Variants in EFNB2 observed in about 807,000 individuals in gnomAD.
EFNB2 encodes ephrin-B2.
In EFNB2, 5 loss-of-function variants were observed where a neutral mutation model predicts 32.1. The observed-to-expected ratio is 0.16, with a 90% CI of 0.08 to 0.33. The LOEUF is 0.33. Ranked by LOEUF, EFNB2 falls within the 10% of genes least tolerant of loss-of-function variation. The probability of loss-of-function intolerance (pLI) is 1.00; values close to 1 mark genes in which losing one functional copy is unlikely to be tolerated. For missense variants in EFNB2, 263 were observed against 422.6 expected (o/e 0.62, Z 3.31); for synonymous variants, 168 against 166.5 (o/e 1.01, Z -0.07).
intron 2 of EFNB2, chr13:106,506,576 G>A (rs1878958584): frequency 6.6e-6 from 1 of 152,154 alleles, no homozygotes; most frequent in Non-Finnish European, 1.5e-5. Context: ...ATTAAGTTAT[G>A]CAGCATTACT....
rs1486448222 is a variant in EFNB2 at position 106,535,650 on chromosome 13, G to T, written c.-686C>A. 7 of 150,722 alleles carry T rather than the reference G, an allele frequency of 4.6e-5. No individual in the cohort carries two copies. Among genetic ancestry groups the T allele is most frequent in the Admixed American group, 4.6e-4 (7 of 15,156 alleles). 9.3% of individuals were successfully genotyped at this position (150,722 alleles called of 1,614,324 possible). A position where few individuals can be genotyped will look rare whatever the true frequency, so the allele number is the denominator to read the frequency against. ...TCCGGCCGGCGCCGCGGTCCCCGCC[G>T]AGGAGAGTCAGCGCGGCCGCCGCGC... is the stretch of plus-strand genomic sequence containing the variant. On this transcript the variant is annotated 5_prime_UTR_variant, in exon 1 of 5. Coordinates refer to ENST00000646441, the MANE Select transcript of EFNB2 (RefSeq NM_004093.4).
In EFNB2 at chr13:106,504,581, G is replaced by A. The variant is rs75356730; in HGVS notation, c.406+7948C>T. 8.9e-3 allele frequency among the ~76,000 whole-genome samples: 1,361 copies of A among 152,240 alleles called. 16 individuals are homozygous for A. Among genetic ancestry groups the A allele is most frequent in the African/African-American group, 0.029 (1,219 of 41,530 alleles). On this transcript the variant is annotated intron_variant, in intron 2 of 4. Coordinates refer to ENST00000646441, the MANE Select transcript of EFNB2 (RefSeq NM_004093.4). ...CTCTAAGAATCCAGAGCAATTTCCC[G>A]CGTTTGTGCCAATAAAAGAATACCT...
In EFNB2 at chr13:106,493,183, T is replaced by C. The variant is rs757543125; in HGVS notation, c.859A>G (p.Ser287Gly). ...GTCCTTAGCGGGATGATAATGTCACTGGGCTCTGAGCCGTTGTTGTTGCCG... is the reference window on the plus strand; with the variant it reads ...GTCCTTAGCGGGATGATAATGTCACCGGGCTCTGAGCCGTTGTTGTTGCCG... ...RSGNNNGSEPSDIIIPLRTAD... is the reference protein window; with the variant it reads ...RSGNNNGSEPGDIIIPLRTAD... The change falls in exon 5 of 5, where the codon AGT becomes GGT. Residue 287 changes from serine to glycine, a missense_variant. Around this residue, in one of 3 missense-constraint regions of EFNB2, gnomAD observed 172 missense variants for 237.1 expected, o/e 0.73. Coordinates refer to ENST00000646441, the MANE Select transcript of EFNB2 (RefSeq NM_004093.4). The surrounding 1 kb of genome is among the most constrained non-coding windows in gnomAD (Gnocchi z 6.1). The C allele has an allele frequency of 6.2e-7, 1 of 1,614,202 alleles. No individual in the cohort carries two copies. Among genetic ancestry groups the C allele is most frequent in the South Asian group, 1.1e-5 (1 of 91,086 alleles).
At chr13:106,528,815 C>A (rs1055710146) in intron 1 of EFNB2, among the ~76,000 whole-genome samples, 1 of 152,124 alleles carries the variant, frequency 6.6e-6, no homozygotes, top group African/African-American at 2.4e-5. Context: ...GGAGAGAGGG[C>A]GGGAAGACTC....
At chr13:106,525,455 T>C (rs557704013) in intron 1 of EFNB2, among the ~76,000 whole-genome samples, 2 of 152,356 alleles carry the variant, frequency 1.3e-5, no homozygotes, top group Admixed American at 6.5e-5. Context: ...TAGCTGTTCC[T>C]GTGAGGGATC....
chr13:106,534,901 T>C lies in EFNB2; in HGVS notation c.64A>G (p.Thr22Ala), dbSNP rs1489487155. ...CWGVLMVLCR[T>A]AISKSIVLEP... ...AAAACTATCGATTTGGAAATCGCAG[T>C]TCTGCATAAAACCATCAAAACACCC... Residue 22 changes from threonine to alanine, a missense_variant, in exon 1 of 5, where the codon ACT becomes GCT. By Grantham distance (58) the Thr-to-Ala change is moderately conservative. This residue lies in a region of EFNB2 where 46 missense variants were observed against 56.9 expected (regional missense o/e 0.81). Coordinates refer to ENST00000646441, the MANE Select transcript of EFNB2 (RefSeq NM_004093.4). 6.2e-7 allele frequency: 1 copy of C among 1,613,874 alleles called. No individual in the cohort carries two copies. The highest frequency in any genetic ancestry group is 8.5e-7 in the Non-Finnish European group (1 of 1,179,846).
chr13:106,535,108 A>G lies in EFNB2; in HGVS notation c.-144T>C. On this transcript the variant is annotated 5_prime_UTR_variant, in exon 1 of 5. Coordinates refer to ENST00000646441, the MANE Select transcript of EFNB2 (RefSeq NM_004093.4). ...GCTCCGAGGCGCGCTGCGCAGCTCC[A>G]GCGGTCGCCGGGCCAGGTGCGCTCG... The G allele has an allele frequency of 8.9e-7, 1 of 1,127,096 alleles. No individual in the cohort carries two copies. Among genetic ancestry groups the G allele is most frequent in the Non-Finnish European group, 1.2e-6 (1 of 855,406 alleles). The allele number at this position is 1,127,096 out of a possible 1,614,324, so 69.8% of individuals were successfully genotyped here.
intron 1 of EFNB2, among the ~76,000 whole-genome samples, chr13:106,514,080 CTT>C: frequency 6.6e-6 from 1 of 152,198 alleles, no homozygotes; most frequent in Middle Eastern, 3.4e-3. Flanking sequence ...AACCCACACT[CTT>C]TATTGGGAAG....
intron 2 of EFNB2, among the ~76,000 whole-genome samples, chr13:106,501,198 A>G (rs9514541): frequency 0.79 from 119,621 of 152,146 alleles, 48,607 homozygotes; most frequent in East Asian, 0.99. Context: ...ACTTAGAAGA[A>G]AAGTTCTAAA....
chr13:106,523,639 CA>C (rs1230094141), intron 1 of EFNB2, among the ~76,000 whole-genome samples: 1 of 152,076 alleles, frequency 6.6e-6, no homozygotes, highest in Non-Finnish European at 1.5e-5. Context: ...AAGAGAACCC[CA>C]GGACCACCAA....
chr13:106,517,480 C>T (rs1046909785), intron 1 of EFNB2: 2 of 152,250 alleles, frequency 1.3e-5, no homozygotes, highest in Non-Finnish European at 2.9e-5. Context: ...AGACCAGTTC[C>T]ATCCCTGAGC....
intron 2 of EFNB2, among the ~76,000 whole-genome samples, chr13:106,499,418 G>T (rs1458381623): frequency 2.0e-5 from 3 of 152,048 alleles, no homozygotes; most frequent in African/African-American, 7.2e-5. Flanking sequence ...AAAATAACAA[G>T]AAATTGCTAA....
intron 2 of EFNB2, among the ~76,000 whole-genome samples, chr13:106,507,850 A>G (rs968651451): frequency 2.0e-5 from 3 of 152,202 alleles, no homozygotes; most frequent in Admixed American, 2.0e-4. Context: ...CTATGCCACA[A>G]GATGTGTCTT....
chr13:106,501,408 C>T (rs1878772092), intron 2 of EFNB2, among the ~76,000 whole-genome samples: 1 of 151,934 alleles, frequency 6.6e-6, no homozygotes, highest in South Asian at 2.1e-4. Flanking sequence ...GAAATATAAT[C>T]ATGACTTTCC....
rs1878391032 is a variant in EFNB2 at position 106,491,201 on chromosome 13, G to A, written c.*1839C>T. The A allele has an allele frequency of 6.6e-6, 1 of 152,552 alleles. No individual in the cohort carries two copies. 9.4% of individuals were successfully genotyped at this position (152,552 alleles called of 1,614,324 possible). Reference sequence around the variant, plus strand: ...GGGAAAACCCAACGCAGAAATAAACGCCGGAACATCTTGTCATTGTTAAAT... The same window carrying A: ...GGGAAAACCCAACGCAGAAATAAACACCGGAACATCTTGTCATTGTTAAAT... On this transcript the variant is annotated 3_prime_UTR_variant, in exon 5 of 5. Transcript: ENST00000646441.
At chr13:106,527,643 T>G (rs1879744174) in intron 1 of EFNB2, among the ~76,000 whole-genome samples, 1 of 152,258 alleles carries the variant, frequency 6.6e-6, no homozygotes, top group Non-Finnish European at 1.5e-5. Flanking sequence ...CTAGAGCCAC[T>G]GCTGATTGTC....
chr13:106,499,995 C>A (rs1010901622), intron 2 of EFNB2, among the ~76,000 whole-genome samples: 1 of 152,148 alleles, frequency 6.6e-6, no homozygotes, highest in Admixed American at 6.5e-5. Context: ...CTGCCATCTG[C>A]GGTTTGCCAT....
At chr13:106,502,823 C>T (rs1009337332) in intron 2 of EFNB2, among the ~76,000 whole-genome samples, 14 of 142,566 alleles carry the variant, frequency 9.8e-5, no homozygotes, top group Non-Finnish European at 4.5e-5. Flanking sequence ...GCTACAGACA[C>T]TCAAGAGTGA....
chr13:106,513,515 T>C (rs1164369856), intron 1 of EFNB2, among the ~76,000 whole-genome samples: 3 of 152,178 alleles, frequency 2.0e-5, no homozygotes, highest in East Asian at 1.9e-4. Flanking sequence ...TTTTTTTTTC[T>C]TCCCTTGAGA....
Sources: allele counts gnomAD v4.1 joint callset (sites outside exome capture counted in the v4.1 genomes callset), GRCh38; gene constraint gnomAD v4.1.1; regional missense constraint gnomAD v4.1.1; non-coding constraint Gnocchi (gnomAD v3.1); transcripts MANE v1.5; gene names NCBI Gene and HGNC (gene_info 2026-07-23, HGNC 2026-07-21).